Variants in KCNN2 observed in about 807,000 individuals in gnomAD.
KCNN2 encodes potassium calcium-activated channel subfamily N member 2, also known as small conductance calcium-activated potassium channel protein 2.
In KCNN2, 24 loss-of-function variants were observed where a neutral mutation model predicts 55.5. The observed-to-expected ratio is 0.43, with a 90% CI of 0.31 to 0.61. KCNN2 has a LOEUF of 0.61. Ranked by LOEUF, KCNN2 falls within the 20% of genes least tolerant of loss-of-function variation. The pLI is 0.08. For missense variants in KCNN2, 754 were observed against 853.6 expected (o/e 0.88, Z 1.45); for synonymous variants, 431 against 336.1 (o/e 1.28, Z -3.09).
At chr5:114,099,781 T>A (rs906018284) in intron 1 of KCNN2, among the ~76,000 whole-genome samples, 1 of 152,190 alleles carries the variant, frequency 6.6e-6, no homozygotes, top group Admixed American at 6.5e-5. Flanking sequence ...TCAAAAAGAC[T>A]GTCTATATAA....
intron 2 of KCNN2, among the ~76,000 whole-genome samples, chr5:114,267,575 C>G (rs1233775694): frequency 6.6e-6 from 1 of 152,212 alleles, no homozygotes; most frequent in African/African-American, 2.4e-5. Context: ...TATTTAGAAT[C>G]CAGTCTTTAT....
At chr5:114,324,798 A>G (rs1246531234) in intron 2 of KCNN2, among the ~76,000 whole-genome samples, 2 of 152,194 alleles carry the variant, frequency 1.3e-5, no homozygotes, top group Non-Finnish European at 2.9e-5. Flanking sequence ...AAGAATTTTC[A>G]TGAGTGTTAC....
At position 114,058,559 on chromosome 5, in the gene KCNN2, T is replaced by C. The variant is rs76601125; in HGVS notation, c.-271+2059T>C. 6.5e-3 allele frequency among the ~76,000 whole-genome samples: 995 copies of C among 152,326 alleles called. 15 individuals are homozygous for C. The highest frequency in any genetic ancestry group is 0.023 in the African/African-American group (936 of 41,572). ...ACGTATTAAGATGAACTCAGTTCTA[T>C]GTACTGTGGTCCTAAGTGGAAACAG... On this transcript the variant is annotated intron_variant, in intron 1 of 10. Coordinates refer to the KCNN2 transcript ENST00000512097.
At chr5:114,122,359 G>C (rs956392381) in intron 1 of KCNN2, among the ~76,000 whole-genome samples, 1 of 152,022 alleles carries the variant, frequency 6.6e-6, no homozygotes, top group Non-Finnish European at 1.5e-5. Context: ...TCCTCTTCCT[G>C]GACAGGAAGA....
chr5:114,470,946 C>T (rs1429146110), intron 4 of KCNN2, among the ~76,000 whole-genome samples: 2 of 152,130 alleles, frequency 1.3e-5, no homozygotes, highest in East Asian at 3.9e-4. Context: ...TTTACAAACT[C>T]TCCAAGTGAT....
At chr5:114,130,879 A>G (rs543839609) in intron 1 of KCNN2, among the ~76,000 whole-genome samples, 3 of 152,266 alleles carry the variant, frequency 2.0e-5, no homozygotes, top group Admixed American at 2.0e-4. Flanking sequence ...CAGTCATTCA[A>G]AAAAGCTCGG....
chr5:114,263,443 GAAT>G lies in KCNN2; in HGVS notation c.-185+41879_-185+41881del, dbSNP rs1755150798. Among the ~76,000 whole-genome samples, 12 of 6,106 alleles carry G rather than the reference GAAT, an allele frequency of 2.0e-3. No individual in the cohort carries two copies. In the Admixed American group the frequency reaches 0.02, roughly 10 times the overall value. 4.0% of individuals were successfully genotyped at this position (6,106 alleles called of 152,430 possible). A position where few individuals can be genotyped will look rare whatever the true frequency, so the allele number is the denominator to read the frequency against. ...AGATAAGCAGGTAGACTTATCCAGT[GAAT>G]GCTGGATAAGCAGGTAGACTTATCA... On this transcript the variant is annotated intron_variant, in intron 2 of 10. Transcript: ENST00000512097.
chr5:114,295,252 C>T (rs1421131761), intron 2 of KCNN2, among the ~76,000 whole-genome samples: 1 of 152,226 alleles, frequency 6.6e-6, no homozygotes, highest in African/African-American at 2.4e-5. Flanking sequence ...ACATTTAAGT[C>T]TGCAGAGGTT....
chr5:114,098,422 A>G (rs1463841562), intron 1 of KCNN2, among the ~76,000 whole-genome samples: 2 of 152,024 alleles, frequency 1.3e-5, no homozygotes, highest in Non-Finnish European at 2.9e-5. Context: ...GTGGCAGGCA[A>G]GTGAGCATTA....
chr5:114,405,085 A>C (rs1758890221), intron 3 of KCNN2, among the ~76,000 whole-genome samples: 1 of 152,190 alleles, frequency 6.6e-6, no homozygotes. Flanking sequence ...TTTTCAGTAG[A>C]GGGCTGCCTT....
chr5:114,111,339 A>G (rs1408682131), intron 1 of KCNN2, among the ~76,000 whole-genome samples: 1 of 152,216 alleles, frequency 6.6e-6, no homozygotes, highest in Non-Finnish European at 1.5e-5. Flanking sequence ...CTCAAGATAG[A>G]TTAAAGACTT....
At chr5:114,426,069 C>A (rs1206954591) in intron 3 of KCNN2, among the ~76,000 whole-genome samples, 4 of 151,838 alleles carry the variant, frequency 2.6e-5, no homozygotes, top group Admixed American at 2.6e-4. Flanking sequence ...GTAGTCCCAG[C>A]TACTTGGGGA....
At chr5:114,342,257 C>T (rs981950462) in intron 2 of KCNN2, among the ~76,000 whole-genome samples, 5 of 151,932 alleles carry the variant, frequency 3.3e-5, no homozygotes, top group Non-Finnish European at 7.4e-5. Flanking sequence ...TTCTCTTATG[C>T]ACTTACTCAA....
At chr5:114,426,840 T>C (rs1759639026) in intron 3 of KCNN2, among the ~76,000 whole-genome samples, 1 of 152,228 alleles carries the variant, frequency 6.6e-6, no homozygotes, top group African/African-American at 2.4e-5. Context: ...TTTGCGATTG[T>C]AGTTTTATCT....
chr5:114,289,369 C>CT (rs80026839), intron 2 of KCNN2, among the ~76,000 whole-genome samples: 21,245 of 132,026 alleles, frequency 0.16, 2,968 homozygotes, highest in East Asian at 0.78. Flanking sequence ...TTAGAATCAA[C>CT]TTTTTTTTTT....
At chr5:114,400,984 T>C (rs1333989723) in intron 2 of KCNN2, among the ~76,000 whole-genome samples, 1 of 151,902 alleles carries the variant, frequency 6.6e-6, no homozygotes, top group African/African-American at 2.4e-5. Flanking sequence ...TTTTTTTTTT[T>C]CTTTCTTTTT....
At chr5:114,367,774 A>C (rs1757644308) in intron 2 of KCNN2, among the ~76,000 whole-genome samples, 1 of 152,044 alleles carries the variant, frequency 6.6e-6, no homozygotes, top group South Asian at 2.1e-4. Context: ...TGTAGCTTCC[A>C]CTGCATCTTT....
chr5:114,185,551 C>T (rs1453829088), intron 1 of KCNN2, among the ~76,000 whole-genome samples: 1 of 152,174 alleles, frequency 6.6e-6, no homozygotes, highest in Non-Finnish European at 1.5e-5. Context: ...GAACTCTGGC[C>T]TTGTGGAGGA....
At chr5:114,075,576 C>G (rs559870226) in intron 1 of KCNN2, among the ~76,000 whole-genome samples, 1 of 152,148 alleles carries the variant, frequency 6.6e-6, no homozygotes, top group African/African-American at 2.4e-5. Context: ...ATGTATTTCT[C>G]TATATAGTAC....
Sources: allele counts gnomAD v4.1 joint callset (sites outside exome capture counted in the v4.1 genomes callset), GRCh38; gene constraint gnomAD v4.1.1; transcripts MANE v1.5; gene names NCBI Gene and HGNC (gene_info 2026-07-23, HGNC 2026-07-21).